The following NDUFS2 variants were observed in gnomAD, a reference collection of about 807,000 sequenced individuals.
The protein encoded by NDUFS2 is NADH dehydrogenase [ubiquinone] iron-sulfur protein 2, mitochondrial.
A neutral mutation model predicts 69.6 loss-of-function variants in NDUFS2; 38 were observed. That is an observed-to-expected ratio of 0.55 (90% CI 0.42 to 0.72). The LOEUF (loss-of-function observed/expected upper bound fraction) is 0.72, where lower values mean the gene tolerates loss of function less well. NDUFS2 is among the 30% of genes least tolerant of loss of function. The pLI, the probability that NDUFS2 is intolerant of heterozygous loss-of-function variation, is 0.00. For synonymous variants in NDUFS2, 194 were observed against 211.2 expected (o/e 0.92, Z 0.70); for missense variants, 468 against 595.0 (o/e 0.79, Z 2.22).
rs987556298 is a variant in NDUFS2 at position 161,210,298 on chromosome 1, C to T, written c.781-6C>T. 6.8e-6 allele frequency: 11 copies of T among 1,613,472 alleles called. No individual in the cohort carries two copies. Among genetic ancestry groups the T allele is most frequent in the Non-Finnish European group, 9.3e-6 (11 of 1,179,564 alleles). ...GTATTAACACACCAGTTTTCTTGAT[C>T]AATAGTTGCTGACCAACAATAGGAT... On this transcript the variant is annotated splice_polypyrimidine_tract_variant and splice_region_variant and intron_variant, in intron 7 of 13. Coordinates refer to ENST00000676972, the MANE Select transcript of NDUFS2 (RefSeq NM_001377299.1).
chr1:161,209,874 G>A lies in NDUFS2; in HGVS notation c.645G>A (p.Glu215=). Residue 215 remains glutamate, a synonymous_variant, in exon 6 of 14, where the codon GAG becomes GAA. Coordinates refer to ENST00000676972, the MANE Select transcript of NDUFS2 (RefSeq NM_001377299.1). ...EEREKMFEFY[E]RVSGARMHAA... The stretch of plus-strand genomic sequence containing the variant: ...CTATGAAGATGTTTGAGTTCTACGA[G>A]CGAGTGTCTGGAGCCCGAATGCATG... 1 of 1,614,118 alleles carries A rather than the reference G, an allele frequency of 6.2e-7. No individual in the cohort carries two copies. The highest frequency in any genetic ancestry group is 8.5e-7 in the Non-Finnish European group (1 of 1,180,038).
chr1:161,208,142 G>A (rs1320843852), intron 3 of NDUFS2, among the ~76,000 whole-genome samples: 1 of 151,596 alleles, frequency 6.6e-6, no homozygotes, highest in East Asian at 1.9e-4. Flanking sequence ...TCACCACCAC[G>A]CCCAGCTAAT....
chr1:161,198,727 G>T, upstream of NDUFS2: 1 of 1,178,934 alleles, frequency 8.5e-7, no homozygotes, highest in Non-Finnish European at 1.2e-6. The surrounding 1 kb of genome is among the most constrained non-coding windows in gnomAD (Gnocchi z 4.7). Context: ...TGGGGGCTTG[G>T]ACTCCTGCCA....
rs775867207 is a variant in NDUFS2 at position 161,202,457 on chromosome 1, C to T, written c.72C>T (p.Val24=). The change falls in exon 1 of 14, where the codon GTC becomes GTT. Residue 24 remains valine (V), a synonymous_variant. Transcript: ENST00000676972. ...AAQVLRPGAG[V]RLPIQPSRGV... ...AGGTGCTGCGGCCTGGGGCTGGAGT[C>T]CGATTGCCGATTCAGCCCAGCAGGT... 3.1e-6 allele frequency: 5 copies of T among 1,611,846 alleles called. No homozygotes were observed. The highest frequency in any genetic ancestry group is 4.2e-6 in the Non-Finnish European group (5 of 1,179,372).
chr1:161,201,841 C>T (rs1665142069), upstream of NDUFS2, among the ~76,000 whole-genome samples: 1 of 152,192 alleles, frequency 6.6e-6, no homozygotes, highest in Non-Finnish European at 1.5e-5. Flanking sequence ...GCTCTCAGAC[C>T]CGCCCAGCCC....
upstream of NDUFS2, chr1:161,198,337 C>A: frequency 6.2e-7 from 1 of 1,613,384 alleles, no homozygotes; most frequent in Non-Finnish European, 8.5e-7. This position sits in a 1 kb window ranked among gnomAD's most constrained non-coding sequence, Gnocchi z 4.7. Flanking sequence ...CGGAGTCCTG[C>A]TCCAGCTCTA....
In NDUFS2 at chr1:161,207,501, C is replaced by T. The variant is rs1348251779; in HGVS notation, c.393+904C>T. 4.6e-5 allele frequency among the ~76,000 whole-genome samples: 7 copies of T among 152,274 alleles called. No homozygotes were observed. In the East Asian group the frequency reaches 7.7e-4, roughly 17 times the overall value. ...CTCTGGCCGGGCTCACGCCTGTAAT[C>T]CCAGCACTTTGGGAGGTCGAAGCAG... On this transcript the variant is annotated intron_variant, in intron 3 of 13. Coordinates refer to ENST00000676972, the MANE Select transcript of NDUFS2 (RefSeq NM_001377299.1).
intron 3 of NDUFS2, among the ~76,000 whole-genome samples, chr1:161,208,268 G>A (rs1665585845): frequency 6.6e-6 from 1 of 151,654 alleles, no homozygotes. Flanking sequence ...ACAGGTGTGA[G>A]CCACCGCGCC....
upstream of NDUFS2, chr1:161,198,256 A>C (rs776460703): frequency 6.2e-7 from 1 of 1,613,908 alleles, no homozygotes; most frequent in African/African-American, 1.3e-5. The surrounding 1 kb of genome is among the most constrained non-coding windows in gnomAD (Gnocchi z 4.7). Context: ...GGTAGGTGCC[A>C]GGCTCTGCTC....
Position 161,203,439 on chromosome 1 carries a change from G to A in NDUFS2, c.98G>A (p.Gly33Asp), listed in dbSNP as rs886045459. 1.2e-6 allele frequency: 2 copies of A among 1,613,966 alleles called. No individual in the cohort carries two copies. The highest frequency in any genetic ancestry group is 1.1e-5 in the South Asian group (1 of 91,070). ...GVRLPIQPSRGVRQWQPDVEW... is the reference protein window; with the variant it reads ...GVRLPIQPSRDVRQWQPDVEW... ...AGGATCTGTCTTTGACTCCCCAGAG[G>A]TGTTCGGCAGTGGCAGCCAGATGTG... is the stretch of plus-strand genomic sequence containing the variant. The change falls in exon 2 of 14, where the codon GGT becomes GAT. Residue 33 changes from glycine to aspartate, a missense_variant and splice_region_variant. Gly to Asp is a moderately conservative substitution (Grantham distance 94, BLOSUM62 -1). This residue lies in a region of NDUFS2 where 339 missense variants were observed against 433.8 expected (regional missense o/e 0.78). Coordinates refer to ENST00000676972, the MANE Select transcript of NDUFS2 (RefSeq NM_001377299.1).
At chr1:161,199,450 C>T (rs572086004), upstream of NDUFS2, 1 of 152,414 alleles carries the variant, frequency 6.6e-6, no homozygotes, top group African/African-American at 2.4e-5. Context: ...TCATGCTGCC[C>T]TTTGGCCCTA....
rs140206506 is a variant in NDUFS2 at position 161,210,361 on chromosome 1, G to A, written c.838G>A (p.Ala280Thr). 7.4e-6 allele frequency: 12 copies of A among 1,613,916 alleles called. No homozygotes were observed. The African/African-American group carries it at 1.1e-4, about 14-fold the overall frequency. The change falls in exon 8 of 14, where the codon GCA (alanine) becomes ACA (threonine). Residue 280 changes from alanine (A) to threonine (T), a missense_variant. Physicochemically the swap from Ala to Thr is moderately conservative, Grantham distance 58 (BLOSUM62 0). Around this residue, in one of 3 missense-constraint regions of NDUFS2, gnomAD observed 339 missense variants for 433.8 expected, o/e 0.78. Transcript: ENST00000676972. ...GACAATTGACATTGGGGTTGTAACA[G>A]CAGAAGAAGCACTTAACTATGGTTT... The part of the protein sequence containing the change: ...NRTIDIGVVT[A>T]EEALNYGFSG...
At chr1:161,199,962 C>T (rs2102022973), upstream of NDUFS2, among the ~76,000 whole-genome samples, 1 of 151,808 alleles carries the variant, frequency 6.6e-6, no homozygotes, top group Admixed American at 6.6e-5. Context: ...CCTGCTCCTA[C>T]CCACTCCCAA....
At chr1:161,214,109 A>G in intron 13 of NDUFS2, 47 bp from the exon 14 acceptor site, 2 of 1,614,020 alleles carry the variant, frequency 1.2e-6, no homozygotes, top group Non-Finnish European at 1.7e-6. Flanking sequence ...TTGCCTCACA[A>G]CAGGAAGATA....
At chr1:161,205,601 TAAAA>T (rs1289376833) in intron 2 of NDUFS2, among the ~76,000 whole-genome samples, 5 of 152,154 alleles carry the variant, frequency 3.3e-5, no homozygotes, top group Admixed American at 6.6e-5. Flanking sequence ...TTTCGCAAAT[TAAAA>T]TGTAAGCTTC....
chr1:161,213,285 C>A, intron 10 of NDUFS2, 95 bp from the exon 11 acceptor site: 1 of 790,912 alleles, frequency 1.3e-6, no homozygotes, highest in South Asian at 1.5e-5. Flanking sequence ...TGGCTTTAGT[C>A]TCCCTGAGGG....
chr1:161,208,725 A>C (rs1248594196), intron 3 of NDUFS2, among the ~76,000 whole-genome samples: 1 of 152,252 alleles, frequency 6.6e-6, no homozygotes, highest in Non-Finnish European at 1.5e-5. Context: ...AATTTATATA[A>C]GCTTATGATT....
intron 2 of NDUFS2, among the ~76,000 whole-genome samples, chr1:161,205,673 C>T (rs1665418950): frequency 6.6e-6 from 1 of 151,148 alleles, no homozygotes; most frequent in Non-Finnish European, 1.5e-5. Context: ...GAGGCTGACA[C>T]AGGAGAATTG....
chr1:161,207,951 A>G (rs1233582343), intron 3 of NDUFS2, among the ~76,000 whole-genome samples: 1 of 140,170 alleles, frequency 7.1e-6, no homozygotes, highest in Non-Finnish European at 1.5e-5. Context: ...CCAGGATTAT[A>G]GGCACGCACC....
Sources: gnomAD v4.1 joint callset for allele counts (sites outside exome capture counted in the v4.1 genomes callset) on GRCh38, gnomAD v4.1.1 for gene constraint, gnomAD v4.1.1 regional missense constraint, Gnocchi (gnomAD v3.1) non-coding constraint, MANE v1.5 for transcripts, NCBI Gene and HGNC (gene_info 2026-07-23, HGNC 2026-07-21) for gene names.